TAFA2: variants seen among roughly 807,000 people sequenced by gnomAD.
TAFA2 encodes the protein chemokine-like protein TAFA-2.
A neutral mutation model predicts 18.8 loss-of-function variants in TAFA2; 7 were observed. That is an observed-to-expected ratio of 0.37 (90% confidence interval 0.21 to 0.70). TAFA2 has a LOEUF of 0.70. Among genes scored for constraint, TAFA2 ranks in the 30% least tolerant of loss-of-function variants. The pLI is 0.53. For missense variants in TAFA2, 122 were observed against 158.1 expected (o/e 0.77, Z 1.23); for synonymous variants, 60 against 54.2 (o/e 1.11, Z -0.47).
chr12:62,167,059 C>CA (rs1240231572), intron 1 of TAFA2, among the ~76,000 whole-genome samples: 1 of 151,518 alleles, frequency 6.6e-6, no homozygotes, highest in Non-Finnish European at 1.5e-5. Context: ...TCTCCGAAAA[C>CA]ACTAAGTGAA....
chr12:61,970,939 G>A (rs1038833151), intron 1 of TAFA2, among the ~76,000 whole-genome samples: 11 of 151,472 alleles, frequency 7.3e-5, no homozygotes, highest in African/African-American at 1.7e-4. Flanking sequence ...TGTATTTCAC[G>A]AATTTAAAAC....
chr12:61,885,585 C>A (rs1360059317), intron 1 of TAFA2, among the ~76,000 whole-genome samples: 1 of 152,196 alleles, frequency 6.6e-6, no homozygotes, highest in Non-Finnish European at 1.5e-5. Context: ...GTGTCCTCCA[C>A]CTCAGTTCAC....
At chr12:61,721,548 C>T (rs577271664) in intron 4 of TAFA2, among the ~76,000 whole-genome samples, 185 of 152,262 alleles carry the variant, frequency 1.2e-3, no homozygotes, top group African/African-American at 4.1e-3. Flanking sequence ...TTCAAGCCAA[C>T]TTTGTTGCTC....
chr12:61,826,766 T>A (rs2121075008), intron 2 of TAFA2, among the ~76,000 whole-genome samples: 1 of 152,126 alleles, frequency 6.6e-6, no homozygotes, highest in South Asian at 2.1e-4. Flanking sequence ...TGTCTCTCTC[T>A]CTCTCTCTCT....
upstream of TAFA2, among the ~76,000 whole-genome samples, chr12:62,197,496 T>C (rs1174637721): frequency 6.6e-6 from 1 of 152,218 alleles, no homozygotes; most frequent in African/African-American, 2.4e-5. Context: ...GTATTTAAAG[T>C]GTACAATTTG....
intron 1 of TAFA2, among the ~76,000 whole-genome samples, chr12:62,132,342 C>T (rs891283716): frequency 1.3e-5 from 2 of 151,734 alleles, no homozygotes; most frequent in Non-Finnish European, 2.9e-5. Flanking sequence ...GAGGGTATCT[C>T]CCCAGTATCT....
chr12:62,039,974 AT>A (rs1170807724), intron 1 of TAFA2, among the ~76,000 whole-genome samples: 1 of 152,022 alleles, frequency 6.6e-6, no homozygotes, highest in Admixed American at 6.6e-5. Flanking sequence ...CCTCCGGTTG[AT>A]TTTTCTGATT....
chr12:62,137,159 G>C (rs1870928714), intron 1 of TAFA2, among the ~76,000 whole-genome samples: 1 of 152,150 alleles, frequency 6.6e-6, no homozygotes, highest in African/African-American at 2.4e-5. Context: ...CTCAAGGACA[G>C]ATATGTAGAG....
intron 1 of TAFA2, among the ~76,000 whole-genome samples, chr12:61,971,956 A>C (rs552038871): frequency 6.6e-6 from 1 of 151,930 alleles, no homozygotes; most frequent in East Asian, 1.9e-4. Flanking sequence ...GAGTCCAGAA[A>C]TAAATCTAAA....
At chr12:61,817,863 T>TC (rs574730443) in intron 2 of TAFA2, among the ~76,000 whole-genome samples, 301 of 152,290 alleles carry the variant, frequency 2.0e-3, no homozygotes, top group Middle Eastern at 0.01. Context: ...GCATTTTTTT[T>TC]CCCCAAGTGC....
chr12:61,879,600 G>A lies in TAFA2; in HGVS notation c.-1-12174C>T, dbSNP rs1037696016. The A allele has an allele frequency of 7.7e-6, 6 of 774,486 alleles. No homozygotes were observed. The South Asian group carries it at 8.1e-5, about 10-fold the overall frequency. The allele number at this position is 774,486 out of a possible 1,614,324, so 48.0% of individuals were successfully genotyped here. On this transcript the variant is annotated intron_variant, in intron 1 of 4. Transcript: ENST00000416284. The stretch of plus-strand genomic sequence containing the variant: ...CCAGGTTCTGCACACCCAGGAGAAG[G>A]AGCAGATCAAGACATTCAAAACAAG...
At chr12:61,873,604 A>ATTCCTTTAGT (rs1388612634) in intron 1 of TAFA2, among the ~76,000 whole-genome samples, 1 of 152,204 alleles carries the variant, frequency 6.6e-6, no homozygotes, top group Admixed American at 6.5e-5. Context: ...TATTGTTATT[A>ATTCCTTTAGT]TTCCTTTAGT....
chr12:62,001,738 C>T (rs1346482308), intron 1 of TAFA2, among the ~76,000 whole-genome samples: 1 of 152,118 alleles, frequency 6.6e-6, no homozygotes, highest in African/African-American at 2.4e-5. Flanking sequence ...GACAGATGCC[C>T]ATCTGTGGCC....
At chr12:62,140,589 T>G (rs538419851) in intron 1 of TAFA2, among the ~76,000 whole-genome samples, 14 of 152,284 alleles carry the variant, frequency 9.2e-5, no homozygotes, top group African/African-American at 3.1e-4. Flanking sequence ...TTAACCTTCA[T>G]AAAGGTTAAT....
chr12:62,029,784 C>T (rs1022786070), intron 1 of TAFA2, among the ~76,000 whole-genome samples: 3 of 151,306 alleles, frequency 2.0e-5, no homozygotes, highest in Non-Finnish European at 4.4e-5. Context: ...CATGCCCACA[C>T]GGAAGAACCA....
intron 2 of TAFA2, among the ~76,000 whole-genome samples, chr12:61,841,731 GA>G (rs1278046595): frequency 1.3e-5 from 2 of 152,030 alleles, no homozygotes; most frequent in Non-Finnish European, 1.5e-5. Flanking sequence ...TTTCAAAATA[GA>G]AAAGGGAATT....
intron 1 of TAFA2, among the ~76,000 whole-genome samples, chr12:62,160,630 A>T (rs1432790518): frequency 6.6e-6 from 1 of 152,206 alleles, no homozygotes; most frequent in Admixed American, 6.5e-5. Flanking sequence ...TAACTTCAGC[A>T]TATGACAGAC....
intron 1 of TAFA2, among the ~76,000 whole-genome samples, chr12:61,890,730 T>C (rs947578397): frequency 1.4e-4 from 22 of 152,128 alleles, no homozygotes; most frequent in African/African-American, 5.3e-4. Flanking sequence ...AGACAATCCA[T>C]TGCAGGATCC....
At chr12:61,779,284 C>T (rs1485480452) in intron 2 of TAFA2, among the ~76,000 whole-genome samples, 1 of 151,716 alleles carries the variant, frequency 6.6e-6, no homozygotes, top group Non-Finnish European at 1.5e-5. Context: ...CCAATAATTG[C>T]ACCTCTGAAA....
Sources: gnomAD v4.1 joint callset for allele counts (sites outside exome capture counted in the v4.1 genomes callset) on GRCh38, gnomAD v4.1.1 for gene constraint, MANE v1.5 for transcripts, NCBI Gene and HGNC (gene_info 2026-07-23, HGNC 2026-07-21) for gene names.